Variants in MYO19 observed in about 807,000 individuals in gnomAD.
MYO19 encodes the protein myosin XIX.
A neutral mutation model predicts 129.2 loss-of-function variants in MYO19; 132 were observed. The ratio of observed to expected loss-of-function variants is 1.02; its 90% CI spans 0.89 to 1.18. MYO19 has a LOEUF of 1.18. Among genes scored for constraint, MYO19 ranks in the 50% most tolerant of loss-of-function variants. The probability of loss-of-function intolerance (pLI) is 0.00; values close to 1 mark genes in which losing one functional copy is unlikely to be tolerated. For synonymous variants in MYO19, 531 were observed against 477.2 expected (o/e 1.11, Z -1.47); for missense variants, 1,210 against 1,216.7 (o/e 0.99, Z 0.08).
intron 18 of MYO19, among the ~76,000 whole-genome samples, chr17:36,505,881 G>A (rs538311506): frequency 1.9e-4 from 29 of 152,346 alleles, no homozygotes; most frequent in South Asian, 1.2e-3. Flanking sequence ...GGGTGTGTTT[G>A]AGGCTGGGTA....
intron 6 of MYO19, among the ~76,000 whole-genome samples, chr17:36,517,136 A>C (rs2072808335): frequency 6.6e-6 from 1 of 152,132 alleles, no homozygotes; most frequent in Non-Finnish European, 1.5e-5. Flanking sequence ...TCTTGGCATA[A>C]AGTTATTCAA....
intron 5 of MYO19, 106 bp from the exon 6 acceptor site, chr17:36,525,447 A>G: frequency 1.2e-6 from 1 of 835,360 alleles, no homozygotes; most frequent in South Asian, 1.6e-5. Flanking sequence ...CAGTGGTGGG[A>G]TGCTTCCTCC....
At chr17:36,501,358 C>T in intron 21 of MYO19, 123 bp from the exon 22 acceptor site, 1 of 1,009,888 alleles carries the variant, frequency 9.9e-7, no homozygotes, top group Non-Finnish European at 1.4e-6. Context: ...TTGGCTCTAG[C>T]CATTTTCTCC....
chr17:36,541,241 G>A (rs949866422), intron 2 of MYO19, among the ~76,000 whole-genome samples: 2 of 152,156 alleles, frequency 1.3e-5, no homozygotes, highest in African/African-American at 2.4e-5. Flanking sequence ...CACCGCACCC[G>A]GCCAATTTTA....
Position 36,528,053 on chromosome 17 carries a change from G to T in MYO19, c.151+11C>A, listed in dbSNP as rs766520596. ...TGGAGATGATACTCCTGAGGAATGG[G>T]AGGCCCATACCTGTCTCTAGTGTCA... On this transcript the variant is annotated intron_variant, in intron 4 of 25. Coordinates refer to ENST00000614623, the MANE Select transcript of MYO19 (RefSeq NM_001163735.2). 6.2e-7 allele frequency: 1 copy of T among 1,607,354 alleles called. No homozygotes were observed. Among genetic ancestry groups the T allele is most frequent in the East Asian group, 2.2e-5 (1 of 44,656 alleles).
intron 19 of MYO19, 120 bp from the exon 20 acceptor site, chr17:36,504,140 G>T (rs2071720250): frequency 4.1e-6 from 3 of 732,792 alleles, no homozygotes; most frequent in African/African-American, 3.6e-5. Context: ...CTCTCCCAAG[G>T]CTTGGCTAAT....
chr17:36,499,115 G>A lies in MYO19; in HGVS notation c.2423C>T (p.Ala808Val), dbSNP rs370629086. ...TGCACGCTTGATGACTGTGGCAGCT[G>A]CATGCAGCCTCTGGATGTGTTTCCG... is the stretch of plus-strand genomic sequence containing the variant. ...LTRKHIQRLH[A>V]AATVIKRAWQ... Residue 808 changes from alanine to valine, a missense_variant, in exon 24 of 26, where the codon GCA becomes GTA. Coordinates refer to ENST00000614623, the MANE Select transcript of MYO19 (RefSeq NM_001163735.2). 318 of 1,610,316 alleles carry A rather than the reference G, an allele frequency of 2.0e-4. No individual in the cohort carries two copies. The highest frequency in any genetic ancestry group is 2.4e-4 in the South Asian group (22 of 90,154).
chr17:36,511,514 G>T, intron 11 of MYO19, 59 bp from the exon 12 acceptor site: 1 of 1,451,194 alleles, frequency 6.9e-7, no homozygotes, highest in Non-Finnish European at 9.5e-7. Context: ...GCCTACTCTG[G>T]GAAGGGCCGT....
At chr17:36,517,475 G>A (rs935944965) in intron 6 of MYO19, among the ~76,000 whole-genome samples, 4 of 152,128 alleles carry the variant, frequency 2.6e-5, no homozygotes, top group African/African-American at 9.7e-5. Context: ...GGTCAGGCTG[G>A]TCTCTAACTT....
intron 15 of MYO19, 34 bp downstream of exon 15, chr17:36,507,769 G>T (rs1177508682): frequency 3.2e-6 from 5 of 1,559,686 alleles, no homozygotes; most frequent in Non-Finnish European, 4.3e-6. Flanking sequence ...GGATCCAAAA[G>T]AAGGACCTGC....
In MYO19 at chr17:36,496,301, T is replaced by C. The variant is rs2070960083; in HGVS notation, c.2863A>G (p.Arg955Gly). 1.9e-6 allele frequency: 3 copies of C among 1,613,930 alleles called. No homozygotes were observed. Among genetic ancestry groups the C allele is most frequent in the African/African-American group, 2.7e-5 (2 of 74,926 alleles). Reference protein sequence around the residue: ...ITGFNQILLERHRLIHVTSSA... With the variant: ...ITGFNQILLEGHRLIHVTSSA... ...GAGGTCACGTGGATCAGCCTGTGTC[T>C]TTCCAGCAGAATCTGATTAAAGCCT... Residue 955 changes from arginine (R) to glycine (G), a missense_variant, in exon 26 of 26, where the codon AGA (arginine) becomes GGA (glycine). Transcript: ENST00000614623.
upstream of MYO19, among the ~76,000 whole-genome samples, chr17:36,536,524 CTTTTT>C (rs10715370): frequency 8.8e-5 from 11 of 125,538 alleles, no homozygotes; most frequent in East Asian, 6.9e-4. Context: ...TTTTCTTTTC[CTTTTT>C]TTTTTTTTTT....
At chr17:36,516,328 CATGCATCT>C in intron 6 of MYO19, among the ~76,000 whole-genome samples, 1 of 152,306 alleles carries the variant, frequency 6.6e-6, no homozygotes, top group Non-Finnish European at 1.5e-5. Context: ...TATTAAAAAT[CATGCATCT>C]ACTCAATGAC....
Position 36,513,525 on chromosome 17 carries a change from C to G in MYO19, c.818-20G>C, listed in dbSNP as rs1201027394. On this transcript the variant is annotated intron_variant, in intron 10 of 25. Transcript: ENST00000614623. ...AATCCTCTGAAAAAGAATCCAAGTT[C>G]GGGGCAGAGGTCAGCAGCAGCAAGA... 6.2e-7 allele frequency: 1 copy of G among 1,613,850 alleles called. No homozygotes were observed. Among genetic ancestry groups the G allele is most frequent in the South Asian group, 1.1e-5 (1 of 91,072 alleles).
chr17:36,496,019 A>T lies in MYO19; in HGVS notation c.*232T>A. The T allele has an allele frequency of 1.3e-6, 1 of 792,464 alleles. No individual in the cohort carries two copies. Among genetic ancestry groups the T allele is most frequent in the Middle Eastern group, 4.0e-4 (1 of 2,516 alleles). The allele number at this position is 792,464 out of a possible 1,614,324, so 49.1% of individuals were successfully genotyped here. ...GTGAAATGTGGCCCTGATGTTTCTT[A>T]ACCCTGATTTGGTAACTACCAGCCC... On this transcript the variant is annotated 3_prime_UTR_variant, in exon 26 of 26. Coordinates refer to ENST00000614623, the MANE Select transcript of MYO19 (RefSeq NM_001163735.2).
At position 36,496,016 on chromosome 17, in the gene MYO19, C is replaced by CA; in HGVS notation, c.*234_*235insT. The CA allele has an allele frequency of 1.3e-6, 1 of 794,532 alleles. No individual in the cohort carries two copies. The highest frequency in any genetic ancestry group is 2.8e-5 in the East Asian group (1 of 35,580). The allele number at this position is 794,532 out of a possible 1,614,324, so 49.2% of individuals were successfully genotyped here. The stretch of plus-strand genomic sequence containing the variant: ...GTAGTGAAATGTGGCCCTGATGTTT[C>CA]TTAACCCTGATTTGGTAACTACCAG... On this transcript the variant is annotated 3_prime_UTR_variant, in exon 26 of 26. Transcript: ENST00000614623.
intron 1 of MYO19, among the ~76,000 whole-genome samples, chr17:36,542,734 T>C (rs1329433602): frequency 6.6e-6 from 1 of 151,936 alleles, no homozygotes; most frequent in Non-Finnish European, 1.5e-5. Context: ...GGTACATTAA[T>C]TGATGTACCA....
intron 19 of MYO19, 174 bp downstream of exon 19, chr17:36,505,123 C>G: frequency 1.3e-6 from 1 of 773,402 alleles, no homozygotes; most frequent in African/African-American, 1.7e-5. Flanking sequence ...GACCACACAA[C>G]CATACATGCC....
chr17:36,498,252 C>T lies in MYO19; in HGVS notation c.2757+14G>A. On this transcript the variant is annotated intron_variant, in intron 25 of 25. Coordinates refer to ENST00000614623, the MANE Select transcript of MYO19 (RefSeq NM_001163735.2). ...TCAGGAACAAAGCTGTCATGGCCAT[C>T]ACACACAACGTACCTGAGGCAGCGC... 6.2e-7 allele frequency: 1 copy of T among 1,600,622 alleles called. No homozygotes were observed. The highest frequency in any genetic ancestry group is 8.5e-7 in the Non-Finnish European group (1 of 1,171,914).
Sources: gnomAD v4.1 joint callset for allele counts (sites outside exome capture counted in the v4.1 genomes callset) on GRCh38, gnomAD v4.1.1 for gene constraint, MANE v1.5 for transcripts, NCBI Gene and HGNC (gene_info 2026-07-23, HGNC 2026-07-21) for gene names.